The following WDR36 variants were observed in gnomAD, a reference collection of about 807,000 sequenced individuals.
WDR36 encodes the protein WD repeat-containing protein 36.
Under a neutral mutation model 112.7 loss-of-function variants are expected in WDR36, and 63 were observed. That is an observed-to-expected ratio of 0.56 (90% CI 0.46 to 0.69). The LOEUF (loss-of-function observed/expected upper bound fraction) is 0.69. WDR36 is among the 30% of genes least tolerant of loss of function. The pLI is 0.00. For synonymous variants in WDR36, 410 were observed against 362.2 expected, an observed-to-expected ratio of 1.13 and a Z score of -1.50; for missense variants, 1,226 against 1,070.3, an observed-to-expected ratio of 1.15 and a Z score of -2.03.
At chr5:111,097,202 T>C (rs754769011) in intron 3 of WDR36, 23 bp downstream of exon 3, 2 of 1,547,886 alleles carry the variant, frequency 1.3e-6, no homozygotes, top group South Asian at 2.2e-5. Context: ...AAACTACTTG[T>C]TTGTCAGTCA....
intron 13 of WDR36, 69 bp downstream of exon 13, chr5:111,110,372 G>A: frequency 2.3e-6 from 3 of 1,304,262 alleles, no homozygotes; most frequent in Non-Finnish European, 3.3e-6. Flanking sequence ...AAGCTGGTAT[G>A]TATAATCTTT....
At chr5:111,099,002 AAG>A in intron 4 of WDR36, among the ~76,000 whole-genome samples, 163 bp downstream of exon 4, 1 of 152,346 alleles carries the variant, frequency 6.6e-6, no homozygotes, top group East Asian at 1.9e-4. Flanking sequence ...CTAAGTAAGA[AAG>A]AGATAAACAA....
rs1335293347 is a variant in WDR36 at position 111,127,020 on chromosome 5, G to A, written c.*137G>A. 3.7e-6 allele frequency: 3 copies of A among 810,254 alleles called. No homozygotes were observed. The highest frequency in any genetic ancestry group is 5.6e-6 in the Non-Finnish European group (3 of 537,636). The allele number at this position is 810,254 out of a possible 1,614,324, so 50.2% of individuals were successfully genotyped here. A position where few individuals can be genotyped will look rare whatever the true frequency, so the allele number is the denominator to read the frequency against. On this transcript the variant is annotated 3_prime_UTR_variant, in exon 23 of 23. Coordinates refer to ENST00000513710, the MANE Select transcript of WDR36 (RefSeq NM_139281.3). ...TAGTCAGTATATCTCCACTTTAAATGCTAAATACTTTCTTGAAATAAAATC... is the reference window on the plus strand; with the variant it reads ...TAGTCAGTATATCTCCACTTTAAATACTAAATACTTTCTTGAAATAAAATC...
chr5:111,129,729 CTT>C lies in WDR36; in HGVS notation c.*2847_*2848del, dbSNP rs534202687. ...CAATCAAATTGATTAATTTTCATGA[CTT>C]ATTTCAGGATATAAAGCAAATTATT... On this transcript the variant is annotated 3_prime_UTR_variant, in exon 23 of 23. Coordinates refer to ENST00000513710, the MANE Select transcript of WDR36 (RefSeq NM_139281.3). 484 of 198,822 alleles carry C rather than the reference CTT, an allele frequency of 2.4e-3. 4 individuals are homozygous for C. Among genetic ancestry groups the C allele is most frequent in the African/African-American group, 9.3e-3 (405 of 43,526 alleles). The allele number at this position is 198,822 out of a possible 1,614,324, so 12.3% of individuals were successfully genotyped here.
In WDR36 at chr5:111,124,130, T is replaced by G. The variant is rs569799791; in HGVS notation, c.2291T>G (p.Val764Gly). The change falls in exon 21 of 23, where the codon GTT (valine) becomes GGT (glycine). Residue 764 changes from valine to glycine, a missense_variant. Coordinates refer to ENST00000513710, the MANE Select transcript of WDR36 (RefSeq NM_139281.3). ...PQQSKVVNLG[V>G]LAQKSDFCLK... is the part of the protein sequence containing the mutation. Reference sequence around the variant, plus strand: ...AAGTCTAAAGTGGTAAATCTTGGAGTTTTGGCTCAAAAATCAGATTTCTGC... The same window carrying G: ...AAGTCTAAAGTGGTAAATCTTGGAGGTTTGGCTCAAAAATCAGATTTCTGC... 2.2e-5 allele frequency: 36 copies of G among 1,612,882 alleles called. No homozygotes were observed. Among genetic ancestry groups the G allele is most frequent in the South Asian group, 9.9e-5 (9 of 90,984 alleles).
chr5:111,100,936 A>G (rs898577760), intron 5 of WDR36, among the ~76,000 whole-genome samples: 1 of 152,010 alleles, frequency 6.6e-6, no homozygotes, highest in Non-Finnish European at 1.5e-5. Context: ...ACAATAAAAC[A>G]TCACATTTTA....
Position 111,092,635 on chromosome 5 carries a change from G to T in WDR36, c.162+17G>T. ...ACCTATGACGTGAGTGACTTCTTTT[G>T]TTAGCTTCCCAGGAAAACCACCCTC... is the stretch of plus-strand genomic sequence containing the variant. On this transcript the variant is annotated intron_variant, in intron 1 of 22. Transcript: ENST00000513710. The T allele has an allele frequency of 1.2e-6, 2 of 1,608,262 alleles. No individual in the cohort carries two copies. Among genetic ancestry groups the T allele is most frequent in the Non-Finnish European group, 1.7e-6 (2 of 1,179,056 alleles).
At chr5:111,100,513 T>TC in intron 4 of WDR36, 76 bp from the exon 5 acceptor site, 1 of 1,019,682 alleles carries the variant, frequency 9.8e-7, no homozygotes, top group South Asian at 1.7e-5. Flanking sequence ...AGACTTACTT[T>TC]AAGTGATAAA....
rs778262311 is a variant in WDR36, at chr5:111,119,065, CCTACTGGAGACTTT to C, written c.1852_1865del (p.Thr618GlyfsTer58). On this transcript the variant is annotated frameshift_variant, in exon 17 of 23. Transcript: ENST00000513710. LOFTEE classifies it high-confidence loss of function. ...GGCTCCTCTCAATGTTTCTATGTCT[CCTACTGGAGACTTT>C]CTGGCAACTTCCCATGTGGACCACC... 1 of 1,613,596 alleles carries C rather than the reference CCTACTGGAGACTTT, an allele frequency of 6.2e-7. No homozygotes were observed. The highest frequency in any genetic ancestry group is 8.5e-7 in the Non-Finnish European group (1 of 1,179,642).
At chr5:111,119,741 A>T (rs1753527479) in intron 17 of WDR36, among the ~76,000 whole-genome samples, 1 of 151,204 alleles carries the variant, frequency 6.6e-6, no homozygotes, top group Non-Finnish European at 1.5e-5. Context: ...ATAAAATGTT[A>T]TAATTACATT....
intron 16 of WDR36, among the ~76,000 whole-genome samples, chr5:111,116,006 G>T (rs944174094): frequency 6.6e-6 from 1 of 151,080 alleles, no homozygotes; most frequent in African/African-American, 2.4e-5. Flanking sequence ...ACAGTGGTAC[G>T]ATCTCGGCTC....
chr5:111,100,784 G>A (rs1753106911), intron 5 of WDR36, 63 bp downstream of exon 5: 1 of 1,496,100 alleles, frequency 6.7e-7, no homozygotes, highest in Non-Finnish European at 9.2e-7. Context: ...ACTTCCTAAT[G>A]TATACTTAAG....
rs1333339962 is a variant in WDR36 at position 111,098,751 on chromosome 5, A to G, written c.321A>G (p.Ala107=). 1.9e-6 allele frequency: 3 copies of G among 1,612,122 alleles called. No individual in the cohort carries two copies. In the African/African-American group the frequency reaches 4.0e-5, roughly 22 times the overall value. The part of the protein sequence containing the change: ...EIVHTFKGHK[A]EIHFLQPFGD... ...TACATACCTTTAAGGGTCATAAGGC[A>G]GAAATCCATTTCTTGCAACCCTTTG... The change falls in exon 4 of 23, where the codon GCA becomes GCG. Residue 107 remains alanine, a synonymous_variant. Coordinates refer to ENST00000513710, the MANE Select transcript of WDR36 (RefSeq NM_139281.3).
At chr5:111,094,360 A>G (rs547402244) in intron 1 of WDR36, among the ~76,000 whole-genome samples, 12 of 152,348 alleles carry the variant, frequency 7.9e-5, no homozygotes, top group African/African-American at 2.6e-4. Flanking sequence ...TTCCAGGGTC[A>G]TACAGCTGGA....
chr5:111,123,114 A>G (rs13359107), intron 19 of WDR36, among the ~76,000 whole-genome samples: 1 of 152,048 alleles, frequency 6.6e-6, no homozygotes, highest in Non-Finnish European at 1.5e-5. Flanking sequence ...ATCTCAAAAA[A>G]AAAAATGTTC....
chr5:111,116,737 C>T (rs1006625346), intron 16 of WDR36, among the ~76,000 whole-genome samples: 1 of 152,160 alleles, frequency 6.6e-6, no homozygotes, highest in East Asian at 1.9e-4. Context: ...AACCACCTTC[C>T]TCAATTTGGT....
intron 9 of WDR36, among the ~76,000 whole-genome samples, chr5:111,105,033 G>C (rs544909352): frequency 6.6e-6 from 1 of 151,662 alleles, no homozygotes; most frequent in South Asian, 2.1e-4. Flanking sequence ...AATCCTCAGA[G>C]ACAGAATGGT....
At chr5:111,094,818 C>T in intron 1 of WDR36, 102 bp from the exon 2 acceptor site, 1 of 933,678 alleles carries the variant, frequency 1.1e-6, no homozygotes, top group Non-Finnish European at 1.7e-6. Flanking sequence ...TGAAGGACAG[C>T]ATAGCAAATA....
At chr5:111,114,264 CA>C (rs1400215631) in intron 16 of WDR36, among the ~76,000 whole-genome samples, 1 of 151,994 alleles carries the variant, frequency 6.6e-6, no homozygotes, top group Non-Finnish European at 1.5e-5. Flanking sequence ...GTGGGAATAG[CA>C]AAACATCTAA....
Sources: gnomAD v4.1 joint callset for allele counts (sites outside exome capture counted in the v4.1 genomes callset) on GRCh38, gnomAD v4.1.1 for gene constraint, MANE v1.5 for transcripts, NCBI Gene and HGNC (gene_info 2026-07-23, HGNC 2026-07-21) for gene names.